Variants in DRC4 observed in about 807,000 individuals in gnomAD.
DRC4 encodes the protein GAS-11.
chr16:90,040,328 G>C, the DRC4 span: 4 of 1,598,056 alleles, frequency 2.5e-6, no homozygotes, highest in Admixed American at 5.2e-5. Flanking sequence ...GAGCTCTATC[G>C]GAAGTTCACC....
At chr16:90,042,785 C>G in the DRC4 span, 1 of 540,424 alleles carries the variant, frequency 1.9e-6, no homozygotes, top group Non-Finnish European at 3.3e-6. Flanking sequence ...GGACGCTTCC[C>G]TGGTCAGCCC....
chr16:90,037,543 TCTC>T, the DRC4 span: 3 of 1,091,078 alleles, frequency 2.7e-6, no homozygotes, highest in Non-Finnish European at 3.9e-6. Context: ...TGCCTCGTGT[TCTC>T]CTGGGGAAAG....
chr16:90,024,214 G>T, the DRC4 span, among the ~76,000 whole-genome samples: 1 of 152,078 alleles, frequency 6.6e-6, no homozygotes, highest in African/African-American at 2.4e-5. Flanking sequence ...GGGAGGCTGA[G>T]GCAGGAGAAT....
At chr16:90,032,935 CGG>C in the DRC4 span, 1 of 1,609,326 alleles carries the variant, frequency 6.2e-7, no homozygotes, top group South Asian at 1.1e-5. Flanking sequence ...GTAGGTGTGG[CGG>C]GGGCACCTGG....
At chr16:90,040,610 G>A in the DRC4 span, 65 of 1,103,154 alleles carry the variant, frequency 5.9e-5, no homozygotes, top group East Asian at 9.6e-4. Context: ...GAGACCCCTC[G>A]GTCGGCCACT....
the DRC4 span, among the ~76,000 whole-genome samples, chr16:90,021,855 C>A: frequency 2.2e-5 from 1 of 45,392 alleles, no homozygotes. Context: ...GACCCTGTCT[C>A]CAAAAAAAAA....
At chr16:90,043,853 C>G in the DRC4 span, 2 of 465,702 alleles carry the variant, frequency 4.3e-6, no homozygotes, top group South Asian at 3.1e-5. Context: ...CTGTTGAGGG[C>G]TGGGTGGGTG....
At chr16:90,029,832 C>T in the DRC4 span, 1 of 169,348 alleles carries the variant, frequency 5.9e-6, no homozygotes, top group East Asian at 1.9e-4. Context: ...CCTCGGCTCA[C>T]TGCAAGCTCC....
At chr16:90,034,571 G>A in the DRC4 span, among the ~76,000 whole-genome samples, 25 of 152,040 alleles carry the variant, frequency 1.6e-4, no homozygotes, top group South Asian at 4.1e-4. Context: ...GCGGTGAGCC[G>A]AGATTGTGCC....
chr16:90,027,085 C>G, the DRC4 span, among the ~76,000 whole-genome samples: 1 of 131,082 alleles, frequency 7.6e-6, no homozygotes, highest in African/African-American at 3.0e-5. Flanking sequence ...GCTAGGTTTC[C>G]TCTCTTTTTT....
the DRC4 span, chr16:90,040,347 C>G: frequency 4.4e-6 from 7 of 1,605,442 alleles, no homozygotes; most frequent in Non-Finnish European, 6.0e-6. Flanking sequence ...CCGCAGCCAT[C>G]CAGGAGGTGC....
At chr16:90,040,750 G>A in the DRC4 span, among the ~76,000 whole-genome samples, 5 of 104,000 alleles carry the variant, frequency 4.8e-5, no homozygotes, top group East Asian at 1.2e-3. Context: ...GAGGGGGCTG[G>A]TTGGGGCCAG....
chr16:90,041,776 G>A, the DRC4 span, among the ~76,000 whole-genome samples: 3 of 152,082 alleles, frequency 2.0e-5, no homozygotes, highest in Non-Finnish European at 4.4e-5. Flanking sequence ...TCCAGCCTGG[G>A]CAACGGGGCG....
chr16:90,023,960 C>G, the DRC4 span, among the ~76,000 whole-genome samples: 1 of 147,368 alleles, frequency 6.8e-6, no homozygotes, highest in African/African-American at 2.5e-5. Context: ...CCACCGCACT[C>G]CAGCCTGGCA....
chr16:90,023,720 G>C, the DRC4 span, among the ~76,000 whole-genome samples: 2 of 150,268 alleles, frequency 1.3e-5, no homozygotes, highest in African/African-American at 2.4e-5. Context: ...GAGTCTGGGC[G>C]CGGTGGCTCA....
the DRC4 span, among the ~76,000 whole-genome samples, chr16:90,025,833 A>G: frequency 4.7e-5 from 7 of 150,104 alleles, no homozygotes; most frequent in African/African-American, 1.7e-4. Flanking sequence ...GGTTGCAGTG[A>G]GCCAAGGCAG....
the DRC4 span, among the ~76,000 whole-genome samples, chr16:90,020,673 C>T: frequency 6.6e-6 from 1 of 152,176 alleles, no homozygotes; most frequent in South Asian, 2.1e-4. Flanking sequence ...CCCAGGGAGC[C>T]GCAATTCAGG....
chr16:90,043,632 A>C, the DRC4 span: 1 of 575,500 alleles, frequency 1.7e-6, no homozygotes, highest in Non-Finnish European at 3.4e-6. Flanking sequence ...ACCTTCTCAG[A>C]GTGCCCCGCA....
At chr16:90,028,017 T>A in the DRC4 span, 11 of 377,872 alleles carry the variant, frequency 2.9e-5, no homozygotes, top group African/African-American at 2.2e-4. Context: ...CTTTCAATCT[T>A]ACCCTTTTTT....
Sources: allele counts gnomAD v4.1 joint callset (sites outside exome capture counted in the v4.1 genomes callset), GRCh38; gene constraint gnomAD v4.1.1; transcripts MANE v1.5; gene names NCBI Gene and HGNC (gene_info 2026-07-23, HGNC 2026-07-21).